Variants in EYS observed in about 807,000 individuals in gnomAD.
EYS encodes EGF-like photoreceptor maintenance factor.
Under a neutral mutation model 282.1 loss-of-function variants are expected in EYS, and 250 were observed. That is an observed-to-expected ratio of 0.89 (90% CI 0.80 to 0.98). EYS has a LOEUF of 0.98. EYS is among the 50% of genes least tolerant of loss of function. EYS has a pLI of 0.00. For synonymous variants in EYS, 1,355 were observed against 1,282.9 expected, an observed-to-expected ratio of 1.06 and a Z score of -1.20; for missense variants, 4,016 against 3,709.0, an observed-to-expected ratio of 1.08 and a Z score of -2.15.
chr6:64,935,746 A>G (rs1768885990), intron 15 of EYS, among the ~76,000 whole-genome samples: 1 of 151,780 alleles, frequency 6.6e-6, no homozygotes, highest in Non-Finnish European at 1.5e-5. Context: ...AAAACCACGG[A>G]AAGTAACCCA....
At chr6:65,084,052 G>A (rs1419522533) in intron 12 of EYS, among the ~76,000 whole-genome samples, 1 of 151,882 alleles carries the variant, frequency 6.6e-6, no homozygotes, top group Non-Finnish European at 1.5e-5. Context: ...TTTGGCAAGA[G>A]TCAGTCAGTA....
At chr6:65,319,143 G>A (rs1374837000) in intron 11 of EYS, among the ~76,000 whole-genome samples, 3 of 142,264 alleles carry the variant, frequency 2.1e-5, no homozygotes, top group Non-Finnish European at 4.5e-5. Flanking sequence ...TGGATCACTT[G>A]AGGTCAGGAG....
At chr6:65,167,234 A>T (rs535911515) in intron 12 of EYS, among the ~76,000 whole-genome samples, 1 of 151,430 alleles carries the variant, frequency 6.6e-6, no homozygotes, top group East Asian at 2.0e-4. Context: ...ATGTATGATG[A>T]TAGCCCAAAT....
intron 22 of EYS, among the ~76,000 whole-genome samples, chr6:64,696,869 G>T (rs950923398): frequency 6.6e-6 from 1 of 151,970 alleles, no homozygotes; most frequent in Non-Finnish European, 1.5e-5. Context: ...ATAAAAAGTT[G>T]ATACCAGCCA....
At chr6:64,948,942 C>T (rs1205087199) in intron 14 of EYS, among the ~76,000 whole-genome samples, 1 of 151,796 alleles carries the variant, frequency 6.6e-6, no homozygotes, top group African/African-American at 2.4e-5. Flanking sequence ...ACAAAGCTGT[C>T]AAGTTTGATA....
At chr6:65,376,193 C>G (rs1257825084) in intron 8 of EYS, among the ~76,000 whole-genome samples, 1 of 152,138 alleles carries the variant, frequency 6.6e-6, no homozygotes, top group Non-Finnish European at 1.5e-5. Context: ...ACAAACCCTA[C>G]AAGCCAGAAA....
chr6:64,226,558 T>C (rs1766258602), intron 31 of EYS, among the ~76,000 whole-genome samples: 1 of 152,076 alleles, frequency 6.6e-6, no homozygotes, highest in Non-Finnish European at 1.5e-5. Context: ...AACTTTACAG[T>C]AGGAGACAGC....
At chr6:65,172,200 T>A (rs1047594343) in intron 12 of EYS, among the ~76,000 whole-genome samples, 4 of 151,518 alleles carry the variant, frequency 2.6e-5, no homozygotes, top group African/African-American at 9.7e-5. Flanking sequence ...ATTAAAATAA[T>A]CATAGGATAA....
intron 14 of EYS, among the ~76,000 whole-genome samples, chr6:64,982,371 A>T (rs1770705306): frequency 6.6e-6 from 1 of 151,432 alleles, no homozygotes; most frequent in African/African-American, 2.4e-5. Flanking sequence ...ACTTTAGATT[A>T]CTAATAATGC....
At chr6:63,831,124 A>G (rs938749598) in intron 36 of EYS, among the ~76,000 whole-genome samples, 1 of 152,228 alleles carries the variant, frequency 6.6e-6, no homozygotes, top group African/African-American at 2.4e-5. Context: ...GCCAAATTGT[A>G]AAGACCATTG....
chr6:64,815,598 T>C (rs1764723041), intron 21 of EYS, among the ~76,000 whole-genome samples: 1 of 152,124 alleles, frequency 6.6e-6, no homozygotes, highest in South Asian at 2.1e-4. Context: ...TTTAAAAGGA[T>C]GCCTTTCGTT....
intron 30 of EYS, among the ~76,000 whole-genome samples, chr6:64,256,182 T>A (rs1268329011): frequency 1.3e-5 from 2 of 152,030 alleles, no homozygotes; most frequent in Admixed American, 1.3e-4. Flanking sequence ...ATGTTAAATC[T>A]ACTAAGTTTT....
chr6:64,592,271 C>G (rs552762819), intron 25 of EYS, among the ~76,000 whole-genome samples: 4 of 152,212 alleles, frequency 2.6e-5, no homozygotes, highest in African/African-American at 9.6e-5. Flanking sequence ...CTAAATGACT[C>G]CTTTGAATAA....
chr6:64,920,116 G>A (rs7773359), intron 15 of EYS, among the ~76,000 whole-genome samples: 1 of 151,492 alleles, frequency 6.6e-6, no homozygotes, highest in Non-Finnish European at 1.5e-5. Flanking sequence ...CAGAAACCAT[G>A]AGAATGGGGT....
chr6:65,211,436 A>C (rs1193643878), intron 12 of EYS, among the ~76,000 whole-genome samples: 1 of 152,056 alleles, frequency 6.6e-6, no homozygotes, highest in African/African-American at 2.4e-5. Context: ...TACTGTTAGA[A>C]AAAATTTTGA....
chr6:65,330,928 C>T, intron 11 of EYS: 1 of 983,466 alleles, frequency 1.0e-6, no homozygotes, highest in Non-Finnish European at 1.2e-6. Flanking sequence ...ACTAAAGAAC[C>T]CTGTATGTTC....
At chr6:63,871,733 T>C (rs1440395345) in intron 35 of EYS, among the ~76,000 whole-genome samples, 1 of 152,156 alleles carries the variant, frequency 6.6e-6, no homozygotes, top group Non-Finnish European at 1.5e-5. Context: ...TTCCTTGTGA[T>C]GCTGGAGCTG....
chr6:64,690,910 A>G (rs532076806), intron 22 of EYS, among the ~76,000 whole-genome samples: 2 of 152,220 alleles, frequency 1.3e-5, no homozygotes, highest in East Asian at 3.9e-4. Context: ...GCACACCAAC[A>G]TGGCACATGT....
At position 64,043,533 on chromosome 6, in the gene EYS, A is replaced by G. The variant is rs12214236; in HGVS notation, c.6725+22805T>C. Among the ~76,000 whole-genome samples the G allele has an allele frequency of 4.6e-3, 700 of 152,352 alleles. 4 individuals are homozygous for G. Among genetic ancestry groups the G allele is most frequent in the Non-Finnish European group, 8.4e-3 (569 of 68,038 alleles). On this transcript the variant is annotated intron_variant, in intron 33 of 42. Transcript: ENST00000503581. ...GTTGGAGCCAATGCTGAGTTCAAAGATAGAGTCCTCTCGAACACCTAGAGG... is the reference window on the plus strand; with the variant it reads ...GTTGGAGCCAATGCTGAGTTCAAAGGTAGAGTCCTCTCGAACACCTAGAGG...
Sources: gnomAD v4.1 joint callset for allele counts (sites outside exome capture counted in the v4.1 genomes callset) on GRCh38, gnomAD v4.1.1 for gene constraint, MANE v1.5 for transcripts, NCBI Gene and HGNC (gene_info 2026-07-23, HGNC 2026-07-21) for gene names.